The following ISCA1 variants were observed in gnomAD, a reference collection of about 807,000 sequenced individuals.
The protein encoded by ISCA1 is iron-sulfur cluster assembly 1 homolog, mitochondrial.
In ISCA1, 9 loss-of-function variants were observed where a neutral mutation model predicts 14.7. That is an observed-to-expected ratio of 0.61 (90% CI 0.37 to 1.07). The LOEUF is 1.07. Among genes scored for constraint, ISCA1 ranks in the 50% least tolerant of loss-of-function variants. The probability of loss-of-function intolerance (pLI) is 0.01; values close to 1 mark genes in which losing one functional copy is unlikely to be tolerated. For missense variants in ISCA1, 102 were observed against 150.1 expected (o/e 0.68, Z 1.67); for synonymous variants, 38 against 54.3 (o/e 0.70, Z 1.32).
intron 1 of ISCA1, among the ~76,000 whole-genome samples, chr9:86,275,431 C>A (rs1027731504): frequency 6.6e-6 from 1 of 152,148 alleles, no homozygotes; most frequent in African/African-American, 2.4e-5. Flanking sequence ...CTGGAAGAGC[C>A]AGCCCAATGG....
At chr9:86,277,741 T>C (rs1564010439) in intron 1 of ISCA1, among the ~76,000 whole-genome samples, 1 of 152,210 alleles carries the variant, frequency 6.6e-6, no homozygotes, top group Non-Finnish European at 1.5e-5. Flanking sequence ...TTACCTGAGA[T>C]TTGGCCCATG....
rs937327064 is a variant in ISCA1 at position 86,264,850 on chromosome 9, A to C, written c.*1193T>G. ...AAATCAGTAACTAAGTGACAAAAGG[A>C]ACACTTTTAAAGAAAAGTTGGTGAT... is the stretch of plus-strand genomic sequence containing the variant. On this transcript the variant is annotated 3_prime_UTR_variant, in exon 4 of 4. Transcript: ENST00000375991. 1 of 152,216 alleles carries C rather than the reference A, an allele frequency of 6.6e-6. No individual in the cohort carries two copies. The highest frequency in any genetic ancestry group is 6.5e-5 in the Admixed American group (1 of 15,278). 9.4% of individuals were successfully genotyped at this position (152,216 alleles called of 1,614,324 possible). A position where few individuals can be genotyped will look rare whatever the true frequency, so the allele number is the denominator to read the frequency against.
At chr9:86,278,785 T>C (rs1825472888) in intron 1 of ISCA1, among the ~76,000 whole-genome samples, 2 of 152,244 alleles carry the variant, frequency 1.3e-5, no homozygotes, top group Non-Finnish European at 2.9e-5. Flanking sequence ...ATATTCACCA[T>C]TTACTGAGCA....
rs1329324349 is a variant in ISCA1 at position 86,274,448 on chromosome 9, C to T, written c.82-206G>A. ...TTTATTTAAAAAAAAAATCTGCTAG[C>T]AACATCCTTTTAATCTTGCTCCTCA... On this transcript the variant is annotated intron_variant, in intron 1 of 3. Transcript: ENST00000375991. Among the ~76,000 whole-genome samples the T allele has an allele frequency of 3.3e-5, 5 of 152,112 alleles. No homozygotes were observed. In the East Asian group the frequency reaches 9.6e-4, roughly 29 times the overall value.
At chr9:86,267,544 G>A in intron 3 of ISCA1, 1 of 960,716 alleles carries the variant, frequency 1.0e-6, no homozygotes, top group South Asian at 4.8e-5. Flanking sequence ...AGATTATAGG[G>A]TGGAAGAAGG....
intron 1 of ISCA1, among the ~76,000 whole-genome samples, chr9:86,275,025 A>G (rs1212366226): frequency 1.3e-5 from 2 of 152,212 alleles, no homozygotes; most frequent in Non-Finnish European, 2.9e-5. Context: ...CTGTTCCCCG[A>G]CATTCCTGGC....
At chr9:86,278,808 T>C (rs1237647470) in intron 1 of ISCA1, among the ~76,000 whole-genome samples, 2 of 152,254 alleles carry the variant, frequency 1.3e-5, no homozygotes, top group African/African-American at 2.4e-5. Context: ...TTCTAAGTGT[T>C]TAATGGTTTA....
chr9:86,275,474 G>T (rs981005642), intron 1 of ISCA1, among the ~76,000 whole-genome samples: 1 of 152,164 alleles, frequency 6.6e-6, no homozygotes, highest in Non-Finnish European at 1.5e-5. Flanking sequence ...TGCCCTGTCG[G>T]GGTTGGGGCT....
chr9:86,273,816 G>A (rs1825405333), intron 2 of ISCA1, among the ~76,000 whole-genome samples: 1 of 152,198 alleles, frequency 6.6e-6, no homozygotes, highest in Admixed American at 6.5e-5. Flanking sequence ...GAGGCAAAGA[G>A]GGGGTACTAC....
intron 1 of ISCA1, among the ~76,000 whole-genome samples, chr9:86,279,907 G>C (rs919792290): frequency 6.6e-6 from 1 of 152,196 alleles, no homozygotes; most frequent in Admixed American, 6.5e-5. Context: ...ACCAACACAG[G>C]CTGTGTGGAA....
intron 1 of ISCA1, among the ~76,000 whole-genome samples, chr9:86,276,896 A>AAAT (rs1825444855): frequency 8.8e-5 from 13 of 147,080 alleles, no homozygotes; most frequent in African/African-American, 2.6e-4. Flanking sequence ...AAAAAAAAAA[A>AAAT]GGCATAGCCA....
Position 86,282,078 on chromosome 9 carries a change from G to C in ISCA1, c.81+300C>G, listed in dbSNP as rs753747733. 175 of 430,100 alleles carry C rather than the reference G, an allele frequency of 4.1e-4. No homozygotes were observed. In the Middle Eastern group the frequency reaches 5.7e-3, roughly 14 times the overall value. 26.6% of individuals were successfully genotyped at this position (430,100 alleles called of 1,614,324 possible). ...CGCAGGCCGGCAGGAGTGTGGAGGC[G>C]ATCGGCCCCCGGGGACGCCCACCCC... On this transcript the variant is annotated intron_variant, in intron 1 of 3. Transcript: ENST00000375991.
At chr9:86,280,909 T>C (rs116397705) in intron 1 of ISCA1, among the ~76,000 whole-genome samples, 2,972 of 150,406 alleles carry the variant, frequency 0.02, 112 homozygotes, top group African/African-American at 0.068. Context: ...GCCTGGGAGA[T>C]AGAGTGAGAC....
chr9:86,271,110 A>C (rs1825363676), intron 3 of ISCA1, among the ~76,000 whole-genome samples: 1 of 151,020 alleles, frequency 6.6e-6, no homozygotes, highest in Non-Finnish European at 1.5e-5. Context: ...ATAATAATAA[A>C]AGAAATTTCA....
chr9:86,276,018 A>C (rs1033339800), intron 1 of ISCA1, among the ~76,000 whole-genome samples: 3 of 152,196 alleles, frequency 2.0e-5, no homozygotes, highest in Non-Finnish European at 4.4e-5. Flanking sequence ...TGAATGATTC[A>C]AATGCATTAC....
intron 2 of ISCA1, among the ~76,000 whole-genome samples, chr9:86,273,381 G>C (rs1825397585): frequency 6.6e-6 from 1 of 152,178 alleles, no homozygotes; most frequent in Non-Finnish European, 1.5e-5. Flanking sequence ...TACAGTTCTA[G>C]AACAATGAGC....
Position 86,282,534 on chromosome 9 carries a change from G to T in ISCA1, c.-76C>A, listed in dbSNP as rs1293797251. ...GCTTCTCTCCATGGACACGGCGGGC[G>T]CATTGACGCCACAAGCTTCGGCGCA... On this transcript the variant is annotated 5_prime_UTR_variant, in exon 1 of 4. Coordinates refer to ENST00000375991, the MANE Select transcript of ISCA1 (RefSeq NM_030940.4). The T allele has an allele frequency of 2.6e-6, 4 of 1,549,104 alleles. No homozygotes were observed. The highest frequency in any genetic ancestry group is 2.4e-5 in the East Asian group (1 of 40,898).
intron 3 of ISCA1, chr9:86,267,555 G>A (rs989902110): frequency 2.1e-5 from 20 of 943,292 alleles, no homozygotes; most frequent in Non-Finnish European, 2.3e-5. Context: ...TGGAAGAAGG[G>A]GGCAGCAGCA....
At chr9:86,271,224 T>C (rs773626258) in intron 3 of ISCA1, among the ~76,000 whole-genome samples, 2 of 152,154 alleles carry the variant, frequency 1.3e-5, no homozygotes, top group Non-Finnish European at 2.9e-5. Flanking sequence ...GTTTGTAGCC[T>C]AGGAGCAACA....
Sources: gnomAD v4.1 joint callset for allele counts (sites outside exome capture counted in the v4.1 genomes callset) on GRCh38, gnomAD v4.1.1 for gene constraint, MANE v1.5 for transcripts, NCBI Gene and HGNC (gene_info 2026-07-23, HGNC 2026-07-21) for gene names.